Variants in PPP1R12C observed in about 807,000 individuals in gnomAD.
The protein encoded by PPP1R12C is leukocyte receptor cluster (LRC) encoded novel gene 3.
A neutral mutation model predicts 95.6 loss-of-function variants in PPP1R12C; 48 were observed. The observed-to-expected ratio is 0.50, with a 90% confidence interval of 0.40 to 0.64. PPP1R12C has a LOEUF of 0.64. Among genes scored for constraint, PPP1R12C ranks in the 30% least tolerant of loss-of-function variants. The pLI is 0.00. For missense variants in PPP1R12C, 1,057 were observed against 1,083.3 expected (o/e 0.98, Z 0.34); for synonymous variants, 480 against 460.8 (o/e 1.04, Z -0.53).
Position 55,113,775 on chromosome 19 carries a change from G to A in PPP1R12C, c.322-980C>T, listed in dbSNP as rs967339829. 4 of 322,716 alleles carry A rather than the reference G, an allele frequency of 1.2e-5. No homozygotes were observed. In the Admixed American group the frequency reaches 2.0e-4, roughly 16 times the overall value. The allele number at this position is 322,716 out of a possible 1,614,324, so 20.0% of individuals were successfully genotyped here. ...AAGGGGCCGCACGTGCCCTGGGAAC[G>A]GGATGAACTCGGCTCGTTTATTTCC... On this transcript the variant is annotated intron_variant, in intron 1 of 21. Coordinates refer to ENST00000263433, the MANE Select transcript of PPP1R12C (RefSeq NM_017607.4).
intron 11 of PPP1R12C, 21 bp downstream of exon 11, chr19:55,095,270 G>A (rs1269730328): frequency 3.9e-6 from 6 of 1,557,180 alleles, no homozygotes; most frequent in Non-Finnish European, 5.2e-6. Flanking sequence ...CCCCTGAGGG[G>A]CCCAGGCCCT....
At position 55,091,193 on chromosome 19, in the gene PPP1R12C, T is replaced by C; in HGVS notation, c.*279A>G. ...CACTCTGGTCCTGGCTACTGATCCT[T>C]GCACTTCTTGGTCCTCAGTTCCTTC... On this transcript the variant is annotated 3_prime_UTR_variant, in exon 22 of 22. Coordinates refer to ENST00000263433, the MANE Select transcript of PPP1R12C (RefSeq NM_017607.4). 6.0e-6 allele frequency: 3 copies of C among 501,254 alleles called. No homozygotes were observed. Among genetic ancestry groups the C allele is most frequent in the South Asian group, 4.3e-5 (2 of 46,038 alleles). 31.1% of individuals were successfully genotyped at this position (501,254 alleles called of 1,614,324 possible).
Position 55,117,616 on chromosome 19 carries a change from G to GC in PPP1R12C, c.-74dup, listed in dbSNP as rs2085171584. 1.3e-6 allele frequency: 1 copy of GC among 752,724 alleles called. No homozygotes were observed. Among genetic ancestry groups the GC allele is most frequent in the Non-Finnish European group, 1.5e-6 (1 of 681,426 alleles). The allele number at this position is 752,724 out of a possible 1,614,324, so 46.6% of individuals were successfully genotyped here. A position where few individuals can be genotyped will look rare whatever the true frequency, so the allele number is the denominator to read the frequency against. ...GCCGCCACCACCCGCCCGCCCGCCC[G>GC]CCCCGGGGGCCGCCGGGAACTGCCG... On this transcript the variant is annotated 5_prime_UTR_variant, in exon 1 of 22. Transcript: ENST00000263433.
rs1446678747 is a variant in PPP1R12C, at chr19:55,103,415, A to G, written c.725T>C (p.Val242Ala). 1 of 1,507,580 alleles carries G rather than the reference A, an allele frequency of 6.6e-7. No homozygotes were observed. 93.4% of individuals were successfully genotyped at this position (1,507,580 alleles called of 1,614,324 possible). ...HVAAAKGYIE[V>A]MRLLLQAGYD... ...ACAGACTGGCCCAACTCACCTCATC[A>G]CCTCAATGTAGCCCTTGGCAGCAGC... Residue 242 changes from valine (V) to alanine (A), a missense_variant, in exon 4 of 22, where the codon GTG (valine) becomes GCG (alanine). By Grantham distance (64) the Val-to-Ala change is moderately conservative. Around this residue, in one of 5 missense-constraint regions of PPP1R12C, gnomAD observed 282 missense variants for 380.4 expected, o/e 0.74. Coordinates refer to ENST00000263433, the MANE Select transcript of PPP1R12C (RefSeq NM_017607.4).
rs983075002 is a variant in PPP1R12C, at chr19:55,109,257, C to G, written c.571+3210G>C. ...CTGGGAGCGTACGTGCATTCCCACG[C>G]CTGGCTAATGTGTTTTGTTTTATAG... is the stretch of plus-strand genomic sequence containing the variant. On this transcript the variant is annotated intron_variant, in intron 3 of 21. Coordinates refer to ENST00000263433, the MANE Select transcript of PPP1R12C (RefSeq NM_017607.4). This position sits in a 1 kb window ranked among gnomAD's most constrained non-coding sequence, Gnocchi z 4.4. Among the ~76,000 whole-genome samples, 3 of 152,196 alleles carry G rather than the reference C, an allele frequency of 2.0e-5. No individual in the cohort carries two copies. Among genetic ancestry groups the G allele is most frequent in the Non-Finnish European group, 4.4e-5 (3 of 68,032 alleles).
At chr19:55,097,233 G>A (rs1421815631) in intron 6 of PPP1R12C, among the ~76,000 whole-genome samples, 2 of 106,404 alleles carry the variant, frequency 1.9e-5, no homozygotes, top group African/African-American at 8.0e-5. Flanking sequence ...CCTTCCCCGC[G>A]CAGTTCACCA....
intron 3 of PPP1R12C, 137 bp downstream of exon 3, chr19:55,112,330 G>A: frequency 3.9e-6 from 3 of 763,446 alleles, no homozygotes; most frequent in Non-Finnish European, 4.1e-6. Flanking sequence ...TCACAGGTGA[G>A]GAAACTGAGG....
Position 55,117,603 on chromosome 19 carries a change from C to A in PPP1R12C, c.-60G>T, listed in dbSNP as rs1193131716. 1.1e-6 allele frequency: 1 copy of A among 908,294 alleles called. No homozygotes were observed. Among genetic ancestry groups the A allele is most frequent in the Non-Finnish European group, 1.3e-6 (1 of 766,866 alleles). The allele number at this position is 908,294 out of a possible 1,614,324, so 56.3% of individuals were successfully genotyped here. ...CCGAGCCCCAACCGCCGCCACCACCCGCCCGCCCGCCCGCCCCGGGGGCCG... is the reference window on the plus strand; with the variant it reads ...CCGAGCCCCAACCGCCGCCACCACCAGCCCGCCCGCCCGCCCCGGGGGCCG... On this transcript the variant is annotated 5_prime_UTR_variant, in exon 1 of 22. Coordinates refer to ENST00000263433, the MANE Select transcript of PPP1R12C (RefSeq NM_017607.4).
Position 55,096,245 on chromosome 19 carries a change from C to A in PPP1R12C, c.1025+17G>T. On this transcript the variant is annotated intron_variant, in intron 7 of 21. Transcript: ENST00000263433. ...CTCCAGCCACCCCGCCAGCCCTGGA[C>A]TCCTCCCTCCCTATACCTTCTGTGT... The A allele has an allele frequency of 2.5e-6, 4 of 1,613,912 alleles. No individual in the cohort carries two copies. Among genetic ancestry groups the A allele is most frequent in the Non-Finnish European group, 2.5e-6 (3 of 1,179,920 alleles).
intron 11 of PPP1R12C, 93 bp downstream of exon 11, chr19:55,095,198 A>G: frequency 7.4e-7 from 1 of 1,356,604 alleles, no homozygotes; most frequent in South Asian, 1.2e-5. Flanking sequence ...ACCAGACCCC[A>G]GGGGGTACAT....
intron 20 of PPP1R12C, 68 bp from the exon 21 acceptor site, chr19:55,091,768 G>C: frequency 1.2e-6 from 2 of 1,612,006 alleles, no homozygotes; most frequent in Non-Finnish European, 1.7e-6. Flanking sequence ...CCAGGGGCCA[G>C]CTGGGAAGGG....
Position 55,092,275 on chromosome 19 carries a change from C to T in PPP1R12C, c.2107G>A (p.Glu703Lys). ...AGCTGCGCCAGCCGCAGCGTGGTCT[C>T]GGTCAGGGCCTCGCGAAGCCGCTCG... ...ENERLREALT[E>K]TTLRLAQLKV... The change falls in exon 19 of 22, where the codon GAG becomes AAG. Residue 703 changes from glutamate (E) to lysine (K), a missense_variant. Glu to Lys is a moderately conservative substitution (Grantham distance 56). Coordinates refer to ENST00000263433, the MANE Select transcript of PPP1R12C (RefSeq NM_017607.4). 1 of 1,600,782 alleles carries T rather than the reference C, an allele frequency of 6.2e-7. No individual in the cohort carries two copies. The highest frequency in any genetic ancestry group is 8.5e-7 in the Non-Finnish European group (1 of 1,174,158).
At chr19:55,095,722 G>T in intron 9 of PPP1R12C, 119 bp from the exon 10 acceptor site, 2 of 1,514,430 alleles carry the variant, frequency 1.3e-6, no homozygotes, top group Non-Finnish European at 1.8e-6. Context: ...GGCAGGCACA[G>T]CCTAAAAAGG....
chr19:55,101,041 G>C (rs1413804104), intron 4 of PPP1R12C, among the ~76,000 whole-genome samples: 9 of 152,086 alleles, frequency 5.9e-5, no homozygotes, highest in Non-Finnish European at 1.2e-4. Context: ...TTGAGGTCAA[G>C]AGTTCGAGAC....
At position 55,092,796 on chromosome 19, in the gene PPP1R12C, C is replaced by A; in HGVS notation, c.1898G>T (p.Arg633Met). The A allele has an allele frequency of 6.4e-7, 1 of 1,559,968 alleles. No individual in the cohort carries two copies. The highest frequency in any genetic ancestry group is 1.4e-5 in the African/African-American group (1 of 73,546). The change falls in exon 16 of 22, where the codon AGG (arginine) becomes ATG (methionine). Residue 633 changes from arginine to methionine, a missense_variant. This residue lies in a region of PPP1R12C where 347 missense variants were observed against 307.9 expected (regional missense o/e 1.13). Transcript: ENST00000263433. Reference sequence around the variant, plus strand: ...TGAGCCCCTCACCTCCGCAGGCCCCCTCCACTCCTTTCCGACCTTGCGGTG... The same window carrying A: ...TGAGCCCCTCACCTCCGCAGGCCCCATCCACTCCTTTCCGACCTTGCGGTG... ...REHRKVGKEW[R>M]GPAEGEEAEP...
chr19:55,105,417 G>T (rs2085027589), intron 3 of PPP1R12C, among the ~76,000 whole-genome samples: 1 of 152,218 alleles, frequency 6.6e-6, no homozygotes, highest in Admixed American at 6.5e-5. Context: ...TCTGTAGACA[G>T]AGCCCTTGCC....
At chr19:55,094,510 G>A in intron 12 of PPP1R12C, 75 bp from the exon 13 acceptor site, 3 of 1,599,140 alleles carry the variant, frequency 1.9e-6, no homozygotes, top group East Asian at 2.2e-5. Flanking sequence ...CCCTCCGCGG[G>A]AAGCAAGTTC....
At chr19:55,111,330 T>C (rs1331854671) in intron 3 of PPP1R12C, 1 of 152,084 alleles carries the variant, frequency 6.6e-6, no homozygotes, top group Admixed American at 6.6e-5. Flanking sequence ...CAAAAAGCTG[T>C]CTAAAAAACA....
intron 6 of PPP1R12C, 131 bp downstream of exon 6, chr19:55,098,653 C>T (rs1048875613): frequency 2.6e-6 from 3 of 1,170,034 alleles, no homozygotes; most frequent in African/African-American, 3.0e-5. Context: ...GGCTGGGTCA[C>T]CAAGAGGGAA....
Sources: allele counts gnomAD v4.1 joint callset (sites outside exome capture counted in the v4.1 genomes callset), GRCh38; gene constraint gnomAD v4.1.1; regional missense constraint gnomAD v4.1.1; non-coding constraint Gnocchi (gnomAD v3.1); transcripts MANE v1.5; gene names NCBI Gene and HGNC (gene_info 2026-07-23, HGNC 2026-07-21).